The following ENOX1 variants were observed in gnomAD, a reference collection of about 807,000 sequenced individuals.
ENOX1 encodes candidate growth-related and time keeping constitutive hydroquinone (NADH) oxidase.
Under a neutral mutation model 82.5 loss-of-function variants are expected in ENOX1, and 42 were observed. The observed-to-expected ratio is 0.51, with a 90% CI of 0.40 to 0.66. The LOEUF (loss-of-function observed/expected upper bound fraction) is 0.66. Among genes scored for constraint, ENOX1 ranks in the 30% least tolerant of loss-of-function variants. The probability of loss-of-function intolerance (pLI) is 0.00; values close to 1 mark genes in which losing one functional copy is unlikely to be tolerated. For missense variants in ENOX1, 608 were observed against 811.6 expected, an observed-to-expected ratio of 0.75 and a Z score of 3.05; for synonymous variants, 271 against 282.2, an observed-to-expected ratio of 0.96 and a Z score of 0.40.
At chr13:43,618,933 T>C (rs2082601923) in intron 2 of ENOX1, among the ~76,000 whole-genome samples, 1 of 152,052 alleles carries the variant, frequency 6.6e-6, no homozygotes, top group Non-Finnish European at 1.5e-5. Flanking sequence ...TTTGTAGTTT[T>C]CCTTGTAGAA....
intron 2 of ENOX1, among the ~76,000 whole-genome samples, chr13:43,564,549 A>G (rs2079834276): frequency 6.6e-6 from 1 of 152,144 alleles, no homozygotes; most frequent in African/African-American, 2.4e-5. Flanking sequence ...GCCTTACAAA[A>G]ACACTTACCT....
chr13:43,755,977 C>T (rs1007573016), intron 1 of ENOX1, among the ~76,000 whole-genome samples: 2 of 152,194 alleles, frequency 1.3e-5, no homozygotes, highest in African/African-American at 4.8e-5. Context: ...ATCAGAACAC[C>T]ATCCCTCAGC....
At chr13:43,403,861 AAAAG>A (rs1211847038) in intron 5 of ENOX1, among the ~76,000 whole-genome samples, 4 of 152,132 alleles carry the variant, frequency 2.6e-5, no homozygotes, top group African/African-American at 9.7e-5. Flanking sequence ...TAAATAAATA[AAAAG>A]AAAGAAAAAG....
chr13:43,774,357 T>A (rs547817688), intron 1 of ENOX1, among the ~76,000 whole-genome samples: 4 of 152,318 alleles, frequency 2.6e-5, no homozygotes, highest in Admixed American at 2.6e-4. Flanking sequence ...GGCTCTGGAC[T>A]TAGTCGGTTC....
intron 9 of ENOX1, among the ~76,000 whole-genome samples, chr13:43,327,305 C>T (rs929156598): frequency 6.6e-6 from 1 of 152,218 alleles, no homozygotes; most frequent in Non-Finnish European, 1.5e-5. Context: ...CGCCCTCTGG[C>T]TCCCAGACCA....
intron 1 of ENOX1, among the ~76,000 whole-genome samples, chr13:43,695,442 A>AT (rs146985894): frequency 1.3e-4 from 12 of 94,666 alleles, no homozygotes; most frequent in African/African-American, 4.3e-4. Context: ...AAAAAATCTA[A>AT]TTTTTTTTTT....
chr13:43,583,728 C>T (rs779638731), intron 2 of ENOX1, among the ~76,000 whole-genome samples: 15 of 151,950 alleles, frequency 9.9e-5, no homozygotes, highest in Admixed American at 2.0e-4. Context: ...AACATCAGGT[C>T]TTCTATTGTC....
At chr13:43,382,913 A>T (rs2052156573) in intron 5 of ENOX1, among the ~76,000 whole-genome samples, 1 of 152,186 alleles carries the variant, frequency 6.6e-6, no homozygotes, top group South Asian at 2.1e-4. Flanking sequence ...GCATGATAGG[A>T]GGGCATGGTT....
chr13:43,604,460 G>T (rs1395651545), intron 2 of ENOX1, among the ~76,000 whole-genome samples: 1 of 152,118 alleles, frequency 6.6e-6, no homozygotes, highest in Non-Finnish European at 1.5e-5. Context: ...CTAGCTGTTG[G>T]TTGGTTATGA....
chr13:43,348,848 G>T (rs2049570461), intron 8 of ENOX1, among the ~76,000 whole-genome samples: 1 of 152,122 alleles, frequency 6.6e-6, no homozygotes, highest in African/African-American at 2.4e-5. Context: ...TACGTGAAAA[G>T]GTAAAAGTTC....
At chr13:43,353,955 C>T (rs760361689) in intron 8 of ENOX1, among the ~76,000 whole-genome samples, 8 of 152,218 alleles carry the variant, frequency 5.3e-5, no homozygotes, top group Admixed American at 3.3e-4. Flanking sequence ...ATACTTCATA[C>T]GTGCGGAGAC....
chr13:43,509,562 C>A (rs148196657), intron 2 of ENOX1, among the ~76,000 whole-genome samples: 1 of 151,984 alleles, frequency 6.6e-6, no homozygotes, highest in Non-Finnish European at 1.5e-5. Context: ...TGATGTAGCA[C>A]GAACTGGACT....
In ENOX1 at chr13:43,390,361, A is replaced by G. The variant is rs58828907; in HGVS notation, c.208+21555T>C. Among the ~76,000 whole-genome samples the G allele has an allele frequency of 2.6e-3, 389 of 152,280 alleles. 1 individual carries two copies. Among genetic ancestry groups the G allele is most frequent in the African/African-American group, 8.9e-3 (372 of 41,574 alleles). On this transcript the variant is annotated intron_variant, in intron 5 of 16. Coordinates refer to ENST00000690772, the MANE Select transcript of ENOX1 (RefSeq NM_001347969.2). The stretch of plus-strand genomic sequence containing the variant: ...GTGTCTAATAATAACTTCAATGGAC[A>G]CATATGATACTTGTTTAATTATTTA...
At chr13:43,404,681 G>T (rs78692732) in intron 5 of ENOX1, among the ~76,000 whole-genome samples, 2,030 of 152,226 alleles carry the variant, frequency 0.013, 38 homozygotes, top group African/African-American at 0.045. Context: ...ATCACTGGTC[G>T]GTCAGGCCAA....
At chr13:43,321,710 C>A (rs192626294) in intron 11 of ENOX1, among the ~76,000 whole-genome samples, 2 of 152,356 alleles carry the variant, frequency 1.3e-5, no homozygotes, top group East Asian at 3.9e-4. Flanking sequence ...TCGGACAACA[C>A]CCTTCCAATC....
intron 11 of ENOX1, among the ~76,000 whole-genome samples, chr13:43,302,392 G>C (rs1361442382): frequency 2.0e-5 from 3 of 152,060 alleles, no homozygotes; most frequent in African/African-American, 7.2e-5. Flanking sequence ...ACATGGTGAG[G>C]AGCTGTAGCA....
chr13:43,293,172 T>C (rs1222679643), intron 12 of ENOX1, among the ~76,000 whole-genome samples: 1 of 151,866 alleles, frequency 6.6e-6, no homozygotes, highest in Non-Finnish European at 1.5e-5. Context: ...CAACTGAGGT[T>C]ACCACCCCCC....
chr13:43,727,837 A>G (rs1029324458), intron 1 of ENOX1, among the ~76,000 whole-genome samples: 4 of 152,210 alleles, frequency 2.6e-5, no homozygotes, highest in African/African-American at 9.6e-5. Flanking sequence ...GCTTATTGAT[A>G]CTTTCATTTT....
At chr13:43,456,376 G>A (rs970962219) in intron 3 of ENOX1, among the ~76,000 whole-genome samples, 3 of 151,682 alleles carry the variant, frequency 2.0e-5, no homozygotes, top group Admixed American at 6.6e-5. Flanking sequence ...TGAAACAAAC[G>A]ATTCATTTAT....
Sources: gnomAD v4.1 joint callset for allele counts (sites outside exome capture counted in the v4.1 genomes callset) on GRCh38, gnomAD v4.1.1 for gene constraint, MANE v1.5 for transcripts, NCBI Gene and HGNC (gene_info 2026-07-23, HGNC 2026-07-21) for gene names.